Variants in CCDC30 observed in about 807,000 individuals in gnomAD.
CCDC30 encodes the protein coiled-coil domain containing 30, also known as coiled-coil domain-containing protein 30.
CCDC30 carries 70 observed loss-of-function variants against 100.2 expected under a neutral mutation model. The ratio of observed to expected loss-of-function variants is 0.70; its 90% CI spans 0.58 to 0.85. CCDC30 has a LOEUF of 0.85. Ranked by LOEUF, CCDC30 falls within the 40% of genes least tolerant of loss-of-function variation. The pLI is 0.00. For synonymous variants in CCDC30, 233 were observed against 269.5 expected (o/e 0.86, Z 1.33); for missense variants, 652 against 771.2 (o/e 0.85, Z 1.83).
chr1:42,460,233 T>G (rs1643374032), upstream of CCDC30: 1 of 1,059,378 alleles, frequency 9.4e-7, no homozygotes, highest in South Asian at 3.7e-5. Flanking sequence ...GAAAAAGGAT[T>G]ATGGATGCAT....
intron 7 of CCDC30, among the ~76,000 whole-genome samples, chr1:42,576,371 G>C (rs1346154315): frequency 6.6e-6 from 1 of 152,178 alleles, no homozygotes; most frequent in Non-Finnish European, 1.5e-5. Flanking sequence ...AAGACTCAGG[G>C]ATTACTGACC....
chr1:42,611,614 A>G (rs1303024594), intron 11 of CCDC30, among the ~76,000 whole-genome samples: 1 of 151,242 alleles, frequency 6.6e-6, no homozygotes, highest in Non-Finnish European at 1.5e-5. Flanking sequence ...CAAAGGTAAA[A>G]TGACATTTGG....
intron 7 of CCDC30, among the ~76,000 whole-genome samples, chr1:42,568,775 CAAA>C (rs113277866): frequency 3.4e-5 from 4 of 117,006 alleles, no homozygotes; most frequent in Admixed American, 8.9e-5. Flanking sequence ...ACTAAAAGTC[CAAA>C]AAAAAAAAAA....
chr1:42,549,752 A>G (rs1035346586), intron 6 of CCDC30, among the ~76,000 whole-genome samples: 1 of 152,188 alleles, frequency 6.6e-6, no homozygotes, highest in Non-Finnish European at 1.5e-5. Context: ...CAATTGCACT[A>G]TCTTGCAACT....
downstream of CCDC30, among the ~76,000 whole-genome samples, chr1:42,655,867 CTTTTTTTTTTTTTTTTT>C (rs766715541): frequency 1.1e-5 from 1 of 87,314 alleles, no homozygotes; most frequent in Non-Finnish European, 2.2e-5. Context: ...GCTGTTTTTA[CTTTTTTTTTTTTTTTTT>C]TTTTTTTGAG....
chr1:42,582,258 C>T (rs2148594114), intron 9 of CCDC30, among the ~76,000 whole-genome samples: 1 of 152,096 alleles, frequency 6.6e-6, no homozygotes, highest in East Asian at 1.9e-4. Flanking sequence ...TCAACATAAG[C>T]TCCATCAAGG....
At chr1:42,534,478 T>C (rs934035817) in intron 6 of CCDC30, among the ~76,000 whole-genome samples, 1 of 152,256 alleles carries the variant, frequency 6.6e-6, no homozygotes, top group African/African-American at 2.4e-5. Flanking sequence ...ACTACATCTT[T>C]TGTCCATACC....
chr1:42,591,436 C>T (rs1192052139), intron 10 of CCDC30: 1 of 152,476 alleles, frequency 6.6e-6, no homozygotes, highest in Non-Finnish European at 1.5e-5. Context: ...ACAGCTCAGG[C>T]TGCCTGTCCA....
At chr1:42,545,366 A>C in intron 6 of CCDC30, 44 bp from the exon 9 acceptor site, 1 of 1,471,592 alleles carries the variant, frequency 6.8e-7, no homozygotes, top group South Asian at 1.4e-5. Flanking sequence ...GCTATAAATA[A>C]AAGTATGCAA....
chr1:42,547,646 A>C (rs1242315752), intron 6 of CCDC30, among the ~76,000 whole-genome samples: 1 of 152,090 alleles, frequency 6.6e-6, no homozygotes, highest in Non-Finnish European at 1.5e-5. Context: ...GCTTCCCATA[A>C]CTGGGACTCT....
intron 3 of CCDC30, chr1:42,489,796 T>G (rs1443327202): frequency 6.5e-6 from 1 of 154,896 alleles, no homozygotes; most frequent in East Asian, 1.9e-4. Context: ...AGGAATTATT[T>G]TTACTTATTT....
At chr1:42,487,372 G>A (rs941888414) in intron 3 of CCDC30, among the ~76,000 whole-genome samples, 7 of 152,160 alleles carry the variant, frequency 4.6e-5, no homozygotes, top group Admixed American at 3.9e-4. Flanking sequence ...TGTATTAGGT[G>A]AAAATCTAAG....
At chr1:42,602,771 T>C (rs1646430234) in intron 10 of CCDC30, among the ~76,000 whole-genome samples, 1 of 152,194 alleles carries the variant, frequency 6.6e-6, no homozygotes, top group African/African-American at 2.4e-5. Context: ...GCAGAGGGAA[T>C]ACTCCCTAAT....
chr1:42,604,871 G>A (rs1396048925), intron 10 of CCDC30, among the ~76,000 whole-genome samples: 3 of 152,294 alleles, frequency 2.0e-5, no homozygotes, highest in South Asian at 2.1e-4. Flanking sequence ...AACAAGAAGA[G>A]GCCATTACTT....
intron 6 of CCDC30, among the ~76,000 whole-genome samples, chr1:42,520,487 A>G (rs1215390967): frequency 1.3e-5 from 2 of 151,366 alleles, no homozygotes; most frequent in African/African-American, 2.4e-5. Context: ...ATGCACCACC[A>G]TGCCCGGCTA....
intron 2 of CCDC30, among the ~76,000 whole-genome samples, chr1:42,482,245 C>T (rs1036962741): frequency 6.0e-5 from 9 of 149,912 alleles, no homozygotes; most frequent in African/African-American, 1.7e-4. Flanking sequence ...AAAATCATTA[C>T]ATTAGAAAAT....
rs746619063 is a variant in CCDC30, at chr1:42,545,391, C to A, written c.457-20905C>A. 35 of 1,542,026 alleles carry A rather than the reference C, an allele frequency of 2.3e-5. No individual in the cohort carries two copies. The South Asian group carries it at 4.0e-4, about 18-fold the overall frequency. On this transcript the variant is annotated intron_variant, in intron 6 of 16. Transcript: ENST00000668663. ...AAAGTATGCAAAATAGAATATTTGT[C>A]TTTCACTTAATTTTGCAGGTCTTGA...
chr1:42,553,679 A>ACACG (rs990034858), intron 6 of CCDC30, among the ~76,000 whole-genome samples: 2 of 151,442 alleles, frequency 1.3e-5, no homozygotes, highest in African/African-American at 4.9e-5. Context: ...ACACACACAC[A>ACACG]CACACACACA....
intron 6 of CCDC30, among the ~76,000 whole-genome samples, chr1:42,550,221 A>C (rs542757899): frequency 1.5e-4 from 23 of 152,248 alleles, no homozygotes; most frequent in African/African-American, 5.1e-4. Context: ...ACTTCTATCT[A>C]TATTTCCACT....
Sources: allele counts gnomAD v4.1 joint callset (sites outside exome capture counted in the v4.1 genomes callset), GRCh38; gene constraint gnomAD v4.1.1; transcripts MANE v1.5; gene names NCBI Gene and HGNC (gene_info 2026-07-23, HGNC 2026-07-21).